Variants in RGS10 observed in about 807,000 individuals in gnomAD.
RGS10 encodes regulator of G protein signaling 10, also known as regulator of G-protein signalling 10.
In RGS10, 11 loss-of-function variants were observed where a neutral mutation model predicts 23.5. The observed-to-expected ratio is 0.47, with a 90% CI of 0.29 to 0.77. The LOEUF (loss-of-function observed/expected upper bound fraction) is 0.77. Among genes scored for constraint, RGS10 ranks in the 30% least tolerant of loss-of-function variants. The probability of loss-of-function intolerance (pLI) is 0.08; values close to 1 mark genes in which losing one functional copy is unlikely to be tolerated. For synonymous variants in RGS10, 77 were observed against 83.2 expected (o/e 0.92, Z 0.41); for missense variants, 180 against 226.3 (o/e 0.80, Z 1.31).
chr10:119,528,828 C>T (rs1383785929), intron 1 of RGS10, among the ~76,000 whole-genome samples: 1 of 138,058 alleles, frequency 7.2e-6, no homozygotes, highest in Non-Finnish European at 1.5e-5. Context: ...AGCAAGATTC[C>T]ATCTAAAAAT....
chr10:119,513,649 C>T (rs189160609), intron 4 of RGS10, among the ~76,000 whole-genome samples: 2 of 152,296 alleles, frequency 1.3e-5, no homozygotes, highest in Admixed American at 6.5e-5. Context: ...CGGGCTGGAT[C>T]TCTCAGAGCC....
At chr10:119,526,887 G>T (rs542126893) in intron 2 of RGS10, among the ~76,000 whole-genome samples, 8 of 152,010 alleles carry the variant, frequency 5.3e-5, no homozygotes, top group Non-Finnish European at 1.2e-4. Flanking sequence ...CCCTGCTCTC[G>T]GAGGTCCCTT....
intron 3 of RGS10, among the ~76,000 whole-genome samples, chr10:119,521,723 A>G (rs1195003437): frequency 2.0e-3 from 2 of 984 alleles, no homozygotes; most frequent in East Asian, 0.015. Flanking sequence ...GAAAAAAAGA[A>G]AAAAAAAAAA....
chr10:119,537,501 G>A (rs542251133), intron 1 of RGS10, among the ~76,000 whole-genome samples: 2 of 152,268 alleles, frequency 1.3e-5, no homozygotes, highest in African/African-American at 2.4e-5. Flanking sequence ...TACAGATCAG[G>A]AAACTGAGGC....
chr10:119,529,846 C>T (rs572366656), intron 1 of RGS10, among the ~76,000 whole-genome samples: 2 of 152,194 alleles, frequency 1.3e-5, no homozygotes, highest in Non-Finnish European at 2.9e-5. Flanking sequence ...GTAATCCCAG[C>T]ACTTTGGGAG....
At chr10:119,528,691 G>C (rs979189155) in intron 1 of RGS10, among the ~76,000 whole-genome samples, 1 of 151,978 alleles carries the variant, frequency 6.6e-6, no homozygotes, top group African/African-American at 2.4e-5. Flanking sequence ...AAAATTAGTT[G>C]GGTGTGGTGG....
chr10:119,538,639 A>G lies in RGS10; in HGVS notation c.49+3951T>C, dbSNP rs1844410460. On this transcript the variant is annotated intron_variant, in intron 1 of 4. Coordinates refer to ENST00000369103, the MANE Select transcript of RGS10 (RefSeq NM_001005339.2). The surrounding 1 kb of genome is among the most constrained non-coding windows in gnomAD (Gnocchi z 4.5). The stretch of plus-strand genomic sequence containing the variant: ...TGGGGCAGCAAGGTGGACCTGAGGG[A>G]GCTTAGCAGGGCTCTTGACAGATGG... 6.6e-6 allele frequency among the ~76,000 whole-genome samples: 1 copy of G among 152,006 alleles called. No homozygotes were observed. Among genetic ancestry groups the G allele is most frequent in the South Asian group, 2.1e-4 (1 of 4,832 alleles).
Position 119,536,428 on chromosome 10 carries a change from C to T in RGS10, c.49+6162G>A, listed in dbSNP as rs1204183175. On this transcript the variant is annotated intron_variant, in intron 1 of 4. Transcript: ENST00000369103. ...GCCCAGGGCCAAGGCGACAGGCAAA[C>T]TGCGGACATGGAAAGGGGTGGGGGC... The T allele has an allele frequency of 2.5e-6, 4 of 1,605,884 alleles. No homozygotes were observed. The South Asian group carries it at 4.4e-5, about 18-fold the overall frequency.
intron 4 of RGS10, among the ~76,000 whole-genome samples, chr10:119,506,678 C>G (rs1218182625): frequency 6.6e-6 from 1 of 152,128 alleles, no homozygotes; most frequent in Non-Finnish European, 1.5e-5. Context: ...TGCCACTCTC[C>G]CCTCCTCTTC....
chr10:119,533,068 A>G (rs983378818), intron 1 of RGS10, among the ~76,000 whole-genome samples: 1 of 150,284 alleles, frequency 6.7e-6, no homozygotes, highest in Non-Finnish European at 1.5e-5. Flanking sequence ...TCATAAAAAA[A>G]GAAAAGAGGC....
chr10:119,512,750 C>T (rs1251267801), intron 4 of RGS10, among the ~76,000 whole-genome samples: 1 of 152,132 alleles, frequency 6.6e-6, no homozygotes, highest in African/African-American at 2.4e-5. Flanking sequence ...GTTTCGCTAT[C>T]TTGGCCAGGC....
chr10:119,499,897 G>A lies in RGS10; in HGVS notation c.*216C>T, dbSNP rs980716192. On this transcript the variant is annotated 3_prime_UTR_variant, in exon 5 of 5. Transcript: ENST00000369103. ...CCAGTGTTGAAGGAATCTCTGTTTT[G>A]TAAACTAAAACTTCCAAGTTATTAT... 3.8e-5 allele frequency: 19 copies of A among 502,486 alleles called. No individual in the cohort carries two copies. The highest frequency in any genetic ancestry group is 5.9e-5 in the Non-Finnish European group (17 of 288,812). The allele number at this position is 502,486 out of a possible 1,614,324, so 31.1% of individuals were successfully genotyped here.
Position 119,538,183 on chromosome 10 carries a change from A to AG in RGS10, c.49+4406dup, listed in dbSNP as rs545807895. On this transcript the variant is annotated intron_variant, in intron 1 of 4. Coordinates refer to ENST00000369103, the MANE Select transcript of RGS10 (RefSeq NM_001005339.2). This position sits in a 1 kb window ranked among gnomAD's most constrained non-coding sequence, Gnocchi z 4.5. ...GAGGGAGTGGAGGAGAGAGGGATGG[A>AG]GGAAGGGAGGAAAGTTGTCAGCTCC... Among the ~76,000 whole-genome samples, 3 of 152,128 alleles carry AG rather than the reference A, an allele frequency of 2.0e-5. No homozygotes were observed. The highest frequency in any genetic ancestry group is 4.4e-5 in the Non-Finnish European group (3 of 68,006).
chr10:119,542,610 C>T lies in RGS10; in HGVS notation c.29G>A (p.Ser10Asn), dbSNP rs1844445996. 7.0e-7 allele frequency: 1 copy of T among 1,426,052 alleles called. No homozygotes were observed. The highest frequency in any genetic ancestry group is 3.1e-5 in the East Asian group (1 of 32,648). The allele number at this position is 1,426,052 out of a possible 1,614,324, so 88.3% of individuals were successfully genotyped here. MFNRAVSRL[S>N]RKRPPSDIHD... The stretch of plus-strand genomic sequence containing the variant: ...CTTACCTGACGGCGGCCGCTTCCTG[C>T]TCAGCCGGCTCACGGCGCGGTTGAA... Residue 10 changes from serine to asparagine, a missense_variant, in exon 1 of 5, where the codon AGC becomes AAC. Ser to Asn is a conservative substitution (Grantham distance 46). Transcript: ENST00000369103.
rs145562530 is a variant in RGS10 at position 119,532,014 on chromosome 10, G to A, written c.50-4590C>T. ...CTGGCTATGGTGCTCTAGATAAAGAGCAATTCCTTCTTGCCTTTTTGCTCA... is the reference window on the plus strand; with the variant it reads ...CTGGCTATGGTGCTCTAGATAAAGAACAATTCCTTCTTGCCTTTTTGCTCA... On this transcript the variant is annotated intron_variant, in intron 1 of 4. Transcript: ENST00000369103. Among the ~76,000 whole-genome samples, 45 of 152,262 alleles carry A rather than the reference G, an allele frequency of 3.0e-4. No homozygotes were observed. In the East Asian group the frequency reaches 8.7e-3, roughly 29 times the overall value.
At chr10:119,504,624 G>A (rs1589832427) in intron 4 of RGS10, among the ~76,000 whole-genome samples, 1 of 152,308 alleles carries the variant, frequency 6.6e-6, no homozygotes, top group East Asian at 1.9e-4. Flanking sequence ...GGTTGCATAA[G>A]GGTCTCAAAA....
Position 119,527,478 on chromosome 10 carries a change from GA to G in RGS10, c.50-55del. The G allele has an allele frequency of 7.3e-7, 1 of 1,372,560 alleles. No individual in the cohort carries two copies. The highest frequency in any genetic ancestry group is 1.0e-6 in the Non-Finnish European group (1 of 961,772). The allele number at this position is 1,372,560 out of a possible 1,614,324, so 85.0% of individuals were successfully genotyped here. The stretch of plus-strand genomic sequence containing the variant: ...TGGCCAACAGACACTGTCATTTTAA[GA>G]AATCTGCATGCAATGGTCAGCACTG... On this transcript the variant is annotated intron_variant, in intron 1 of 4. Transcript: ENST00000369103. This position sits in a 1 kb window ranked among gnomAD's most constrained non-coding sequence, Gnocchi z 4.2.
intron 4 of RGS10, among the ~76,000 whole-genome samples, chr10:119,505,282 A>G (rs190229881): frequency 6.6e-6 from 1 of 151,076 alleles, no homozygotes; most frequent in African/African-American, 2.4e-5. Context: ...CTGCTGGTGA[A>G]GCGGAAAACT....
intron 4 of RGS10, among the ~76,000 whole-genome samples, chr10:119,513,683 G>T: frequency 6.6e-6 from 1 of 152,160 alleles, no homozygotes; most frequent in East Asian, 1.9e-4. Context: ...CATGGAGTCA[G>T]AACTCTCCCA....
Sources: allele counts gnomAD v4.1 joint callset (sites outside exome capture counted in the v4.1 genomes callset), GRCh38; gene constraint gnomAD v4.1.1; non-coding constraint Gnocchi (gnomAD v3.1); transcripts MANE v1.5; gene names NCBI Gene and HGNC (gene_info 2026-07-23, HGNC 2026-07-21).